The following PCED1B variants were observed in gnomAD, a reference collection of about 807,000 sequenced individuals.
PCED1B encodes PC-esterase domain containing 1B, also known as PC-esterase domain-containing protein 1B.
For synonymous variants in PCED1B, 251 were observed against 246.1 expected (o/e 1.02, Z -0.19); for missense variants, 573 against 573.9 (o/e 1.00, Z 0.02).
intron 2 of PCED1B, among the ~76,000 whole-genome samples, chr12:47,191,768 A>C (rs560696974): frequency 6.6e-6 from 1 of 151,444 alleles, no homozygotes; most frequent in African/African-American, 2.4e-5. Flanking sequence ...TGGACACAAA[A>C]GTTTTGGGGT....
intron 2 of PCED1B, among the ~76,000 whole-genome samples, chr12:47,178,517 A>G (rs1245681821): frequency 2.0e-5 from 3 of 152,182 alleles, no homozygotes; most frequent in African/African-American, 7.2e-5. Context: ...GCAACAGCCC[A>G]GGTAGCCTAT....
intron 2 of PCED1B, among the ~76,000 whole-genome samples, chr12:47,197,100 A>C (rs1942624388): frequency 6.8e-6 from 1 of 147,302 alleles, no homozygotes; most frequent in Non-Finnish European, 1.5e-5. Context: ...TTAGCCAGAC[A>C]TGGTGGCGGG....
chr12:47,194,115 AACTTC>A lies in PCED1B; in HGVS notation c.-525-22106_-525-22102del, dbSNP rs374375840. On this transcript the variant is annotated intron_variant, in intron 2 of 3. Coordinates refer to ENST00000546455, the MANE Select transcript of PCED1B (RefSeq NM_138371.3). ...CCTTTGCAGCCAGCATTTTTCAGATAACTTCCCTCCATGCTCCTGAAACACATCTG... is the reference window on the plus strand; with the variant it reads ...CCTTTGCAGCCAGCATTTTTCAGATACCTCCATGCTCCTGAAACACATCTG... 2.2e-3 allele frequency among the ~76,000 whole-genome samples: 336 copies of A among 152,174 alleles called. 1 individual carries two copies. Among genetic ancestry groups the A allele is most frequent in the African/African-American group, 7.1e-3 (293 of 41,534 alleles).
intron 2 of PCED1B, among the ~76,000 whole-genome samples, chr12:47,136,697 A>G (rs1258131869): frequency 6.6e-6 from 1 of 152,202 alleles, no homozygotes; most frequent in Non-Finnish European, 1.5e-5. Context: ...TCATTATGAG[A>G]TAGTATTAGG....
chr12:47,192,359 T>G (rs780898629), intron 2 of PCED1B, among the ~76,000 whole-genome samples: 1 of 152,100 alleles, frequency 6.6e-6, no homozygotes, highest in Non-Finnish European at 1.5e-5. Flanking sequence ...ATATGTAGCC[T>G]GGAAAAAAAA....
intron 2 of PCED1B, among the ~76,000 whole-genome samples, chr12:47,123,890 A>G (rs879904655): frequency 6.6e-6 from 1 of 152,002 alleles, no homozygotes; most frequent in Non-Finnish European, 1.5e-5. Flanking sequence ...TTTAGTGGCT[A>G]CTTGATATTT....
At chr12:47,211,557 G>A (rs746981955) in intron 2 of PCED1B, among the ~76,000 whole-genome samples, 17 of 150,932 alleles carry the variant, frequency 1.1e-4, no homozygotes, top group Admixed American at 2.0e-4. Flanking sequence ...AGGAGGCTGA[G>A]GCAGGAGAAC....
intron 2 of PCED1B, among the ~76,000 whole-genome samples, chr12:47,202,442 T>A (rs1172274531): frequency 3.3e-5 from 5 of 151,992 alleles, no homozygotes; most frequent in African/African-American, 1.2e-4. Context: ...CGAAGATAGT[T>A]TCAGAACTTT....
intron 2 of PCED1B, among the ~76,000 whole-genome samples, chr12:47,158,473 T>C (rs1941266910): frequency 6.6e-6 from 1 of 152,148 alleles, no homozygotes; most frequent in South Asian, 2.1e-4. Context: ...GCCTATAAAG[T>C]CTTTTGCCCA....
intron 2 of PCED1B, among the ~76,000 whole-genome samples, chr12:47,143,955 T>C (rs1940691908): frequency 6.6e-6 from 1 of 152,156 alleles, no homozygotes; most frequent in Non-Finnish European, 1.5e-5. Flanking sequence ...TGACCCTACA[T>C]TTCCATTTAG....
chr12:47,158,187 C>T (rs1565573426), intron 2 of PCED1B, among the ~76,000 whole-genome samples: 2 of 152,196 alleles, frequency 1.3e-5, no homozygotes, highest in African/African-American at 2.4e-5. Context: ...AGTGGAATCG[C>T]TAGATCATGG....
intron 2 of PCED1B, among the ~76,000 whole-genome samples, chr12:47,178,691 AC>A (rs1227116253): frequency 5.9e-5 from 9 of 152,068 alleles, no homozygotes; most frequent in African/African-American, 9.7e-5. Flanking sequence ...ACATGGTGAA[AC>A]CCTGTCTCTA....
At chr12:47,212,272 C>T (rs963650358) in intron 2 of PCED1B, among the ~76,000 whole-genome samples, 23 of 151,972 alleles carry the variant, frequency 1.5e-4, no homozygotes, top group African/African-American at 5.6e-4. Flanking sequence ...GAGCAAGAGA[C>T]TCTGTCTCAA....
chr12:47,162,434 T>C (rs1343757953), intron 2 of PCED1B, among the ~76,000 whole-genome samples: 1 of 152,214 alleles, frequency 6.6e-6, no homozygotes, highest in Non-Finnish European at 1.5e-5. Context: ...CTCACAGTTC[T>C]GCAGTGTGTA....
At chr12:47,157,928 C>G (rs1941247697) in intron 2 of PCED1B, among the ~76,000 whole-genome samples, 1 of 152,304 alleles carries the variant, frequency 6.6e-6, no homozygotes, top group East Asian at 1.9e-4. Flanking sequence ...TTTTACTTAA[C>G]ACAATATCCT....
chr12:47,236,348 C>CCAAG lies in PCED1B; in HGVS notation c.1286_1289dup (p.Arg430SerfsTer31). ...GAGAAGGGCCCCAGCCAATCCTGAG[C>CCAAG]CAAGGCCTCAATAGACGGACCTAGG... On this transcript the variant is annotated frameshift_variant, in exon 4 of 4. Transcript: ENST00000546455. LOFTEE classifies it high-confidence loss of function. The CCAAG allele has an allele frequency of 6.2e-7, 1 of 1,601,238 alleles. No individual in the cohort carries two copies. The highest frequency in any genetic ancestry group is 8.5e-7 in the Non-Finnish European group (1 of 1,174,576).
chr12:47,128,852 G>A (rs1238613987), intron 2 of PCED1B, among the ~76,000 whole-genome samples: 1 of 152,150 alleles, frequency 6.6e-6, no homozygotes, highest in Admixed American at 6.6e-5. Context: ...GGTTAGTGAG[G>A]CTTTTCTGCA....
At chr12:47,187,767 C>T (rs1162876118) in intron 2 of PCED1B, 2 of 154,100 alleles carry the variant, frequency 1.3e-5, no homozygotes, top group Non-Finnish European at 2.9e-5. Flanking sequence ...ATAGCTTCAT[C>T]ATAAGGCAGC....
intron 3 of PCED1B, among the ~76,000 whole-genome samples, chr12:47,228,474 G>A (rs1166163095): frequency 2.0e-5 from 3 of 152,100 alleles, no homozygotes; most frequent in Non-Finnish European, 4.4e-5. Context: ...CTATGAATAA[G>A]CAAAAGATAA....
Sources: allele counts gnomAD v4.1 joint callset (sites outside exome capture counted in the v4.1 genomes callset), GRCh38; gene constraint gnomAD v4.1.1; transcripts MANE v1.5; gene names NCBI Gene and HGNC (gene_info 2026-07-23, HGNC 2026-07-21).